Variants in ZNF200 observed in about 807,000 individuals in gnomAD.
ZNF200 encodes zinc finger protein 200.
In ZNF200, 35 loss-of-function variants were observed where a neutral mutation model predicts 33.6. The observed-to-expected ratio is 1.04, with a 90% CI of 0.80 to 1.38. ZNF200 has a LOEUF of 1.38. Among genes scored for constraint, ZNF200 ranks in the 40% most tolerant of loss-of-function variants. The pLI, the probability that ZNF200 is intolerant of heterozygous loss-of-function variation, is 0.00. For synonymous variants in ZNF200, 209 were observed against 167.7 expected (o/e 1.25, Z -1.90); for missense variants, 592 against 470.6 (o/e 1.26, Z -2.39).
chr16:3,232,286 A>G, intron 4 of ZNF200, 135 bp downstream of exon 4: 1 of 1,117,512 alleles, frequency 8.9e-7, no homozygotes, highest in Non-Finnish European at 1.3e-6. Context: ...TACATTGAAT[A>G]AAACAAAAGT....
At chr16:3,228,629 G>C (rs1042814730) in intron 4 of ZNF200, among the ~76,000 whole-genome samples, 1 of 151,788 alleles carries the variant, frequency 6.6e-6, no homozygotes, top group East Asian at 1.9e-4. Context: ...AGAGTAACTG[G>C]GATTACAAGC....
At chr16:3,228,344 T>C (rs1307429715) in intron 4 of ZNF200, among the ~76,000 whole-genome samples, 1 of 152,138 alleles carries the variant, frequency 6.6e-6, no homozygotes, top group African/African-American at 2.4e-5. Flanking sequence ...GTTCTACCTA[T>C]AAGGAAGTAT....
chr16:3,231,185 G>A (rs1420042121), intron 4 of ZNF200, among the ~76,000 whole-genome samples: 1 of 152,148 alleles, frequency 6.6e-6, no homozygotes, highest in African/African-American at 2.4e-5. Flanking sequence ...AAGTGATCTT[G>A]GAGGCAATAT....
chr16:3,223,893 T>C lies in ZNF200; in HGVS notation c.1187A>G (p.Ter396=), dbSNP rs1440292764. 1.9e-6 allele frequency: 3 copies of C among 1,607,880 alleles called. No individual in the cohort carries two copies. The highest frequency in any genetic ancestry group is 2.5e-6 in the Non-Finnish European group (3 of 1,176,678). ...HSACKTRKQK[*] ...CAGACCCAGAAAGGGTTCCCAGTATTACTTCTGCTTTCGGGTCTTACAGGC... is the reference window on the plus strand; with the variant it reads ...CAGACCCAGAAAGGGTTCCCAGTATCACTTCTGCTTTCGGGTCTTACAGGC... Residue 396 remains the stop codon, a stop_retained_variant, in exon 5 of 5, where the codon TAA becomes TGA. Transcript: ENST00000414144.
At chr16:3,229,721 C>T (rs1014156667) in intron 4 of ZNF200, among the ~76,000 whole-genome samples, 12 of 152,040 alleles carry the variant, frequency 7.9e-5, no homozygotes, top group African/African-American at 1.4e-4. Flanking sequence ...AAAAATCAGC[C>T]GGACAAGGTG....
intron 1 of ZNF200, among the ~76,000 whole-genome samples, chr16:3,234,448 G>A (rs1000502312): frequency 3.3e-5 from 5 of 151,934 alleles, no homozygotes; most frequent in Non-Finnish European, 5.9e-5. Flanking sequence ...AGGGAATCAG[G>A]GAAGAGAAAG....
intron 4 of ZNF200, among the ~76,000 whole-genome samples, chr16:3,230,451 G>A (rs1958605648): frequency 6.6e-6 from 1 of 152,130 alleles, no homozygotes; most frequent in Non-Finnish European, 1.5e-5. Context: ...TTGTTGCCTA[G>A]TATTTAGTCA....
chr16:3,227,634 G>C (rs1958507009), intron 4 of ZNF200: 1 of 152,202 alleles, frequency 6.6e-6, no homozygotes, highest in Non-Finnish European at 1.5e-5. Flanking sequence ...GTTCTCATGA[G>C]ATCTGATGGT....
At chr16:3,225,757 G>T (rs1432227355) in intron 4 of ZNF200, 1 of 152,042 alleles carries the variant, frequency 6.6e-6, no homozygotes, top group African/African-American at 2.4e-5. Flanking sequence ...CCATGCTGTG[G>T]ATATACTTGT....
chr16:3,231,923 T>C (rs535230073), intron 4 of ZNF200, among the ~76,000 whole-genome samples: 1 of 152,214 alleles, frequency 6.6e-6, no homozygotes, highest in African/African-American at 2.4e-5. Flanking sequence ...CATGAGAGAA[T>C]AAACACATGA....
chr16:3,232,416 C>G lies in ZNF200; in HGVS notation c.466+5G>C. On this transcript the variant is annotated splice_donor_5th_base_variant and intron_variant, in intron 4 of 4. Coordinates refer to ENST00000414144, the MANE Select transcript of ZNF200 (RefSeq NM_198088.3). ...CCTGAACACACAAAGGCTGTGATTTCTTACCCAGTAACATCATTTCCCCGA... is the reference window on the plus strand; with the variant it reads ...CCTGAACACACAAAGGCTGTGATTTGTTACCCAGTAACATCATTTCCCCGA... 6.2e-7 allele frequency: 1 copy of G among 1,613,162 alleles called. No individual in the cohort carries two copies. The highest frequency in any genetic ancestry group is 1.1e-5 in the South Asian group (1 of 90,980).
At chr16:3,234,653 C>T (rs1239525905) in intron 1 of ZNF200, 3 of 152,254 alleles carry the variant, frequency 2.0e-5, no homozygotes, top group Non-Finnish European at 4.4e-5. Context: ...ACCGAAGCTC[C>T]CTCCGGTGCC....
chr16:3,233,202 GAA>G (rs1242381255), intron 2 of ZNF200, among the ~76,000 whole-genome samples: 2 of 152,186 alleles, frequency 1.3e-5, no homozygotes, highest in Non-Finnish European at 2.9e-5. Flanking sequence ...AAGATGCCCA[GAA>G]AAAGCACAAA....
intron 4 of ZNF200, 91 bp downstream of exon 4, chr16:3,232,330 A>T (rs1459531412): frequency 7.2e-7 from 1 of 1,397,134 alleles, no homozygotes; most frequent in East Asian, 2.3e-5. Context: ...TAGGCTTACC[A>T]GGTGTGAATC....
At chr16:3,230,231 T>A (rs1037749789) in intron 4 of ZNF200, among the ~76,000 whole-genome samples, 2 of 137,836 alleles carry the variant, frequency 1.5e-5, no homozygotes, top group African/African-American at 4.9e-5. Flanking sequence ...CAGAAAACTG[T>A]GAGCCAAATA....
At chr16:3,224,838 G>C (rs1567217298) in intron 4 of ZNF200, 3 of 541,764 alleles carry the variant, frequency 5.5e-6, no homozygotes, top group Non-Finnish European at 9.6e-6. Flanking sequence ...AAAATGAGTG[G>C]GATTTCACTG....
Position 3,223,998 on chromosome 16 carries a change from T to C in ZNF200, c.1082A>G (p.Glu361Gly), listed in dbSNP as rs747242486. The change falls in exon 5 of 5, where the codon GAG becomes GGG. Residue 361 changes from glutamate to glycine, a missense_variant. Physicochemically the swap from Glu to Gly is moderately conservative, Grantham distance 98. Coordinates refer to ENST00000414144, the MANE Select transcript of ZNF200 (RefSeq NM_198088.3). Reference protein sequence around the residue: ...FVLHLQSHEAERPYGCKKCGR... With the variant: ...FVLHLQSHEAGRPYGCKKCGR... ...ACATTTTTTGCAACCATATGGTCTCTCAGCCTCATGACTCTGCAGATGAAG... is the reference window on the plus strand; with the variant it reads ...ACATTTTTTGCAACCATATGGTCTCCCAGCCTCATGACTCTGCAGATGAAG... 1 of 1,614,192 alleles carries C rather than the reference T, an allele frequency of 6.2e-7. No individual in the cohort carries two copies. Among genetic ancestry groups the C allele is most frequent in the Admixed American group, 1.7e-5 (1 of 60,014 alleles).
At chr16:3,232,808 C>CAGT (rs1262984986) in intron 3 of ZNF200, 25 bp downstream of exon 3, 1 of 1,608,858 alleles carries the variant, frequency 6.2e-7, no homozygotes, top group East Asian at 2.2e-5. Context: ...TGGATTCAGG[C>CAGT]AGTAAATGGG....
chr16:3,234,688 A>C (rs1596345427), intron 1 of ZNF200: 1 of 151,970 alleles, frequency 6.6e-6, no homozygotes, highest in South Asian at 2.1e-4. Flanking sequence ...GCGGTTGGTG[A>C]CTCTCCCGGG....
Sources: allele counts gnomAD v4.1 joint callset (sites outside exome capture counted in the v4.1 genomes callset), GRCh38; gene constraint gnomAD v4.1.1; transcripts MANE v1.5; gene names NCBI Gene and HGNC (gene_info 2026-07-23, HGNC 2026-07-21).